The following TGFB1I1 variants were observed in gnomAD, a reference collection of about 807,000 sequenced individuals.
TGFB1I1 encodes transforming growth factor beta-1-induced transcript 1 protein.
A neutral mutation model predicts 52.0 loss-of-function variants in TGFB1I1; 33 were observed. The observed-to-expected ratio is 0.63, with a 90% CI of 0.48 to 0.85. The LOEUF is 0.85. Ranked by LOEUF, TGFB1I1 falls within the 40% of genes least tolerant of loss-of-function variation. The pLI, the probability that TGFB1I1 is intolerant of heterozygous loss-of-function variation, is 0.00. For synonymous variants in TGFB1I1, 236 were observed against 253.3 expected (o/e 0.93, Z 0.65); for missense variants, 577 against 614.9 (o/e 0.94, Z 0.65).
intron 1 of TGFB1I1, 191 bp from the exon 2 acceptor site, chr16:31,473,250 C>T (rs1435314782): frequency 7.8e-6 from 11 of 1,402,338 alleles, no homozygotes; most frequent in South Asian, 6.4e-5. Context: ...TGGCTCCAAG[C>T]GTGAGCAACT....
Position 31,477,116 on chromosome 16 carries a change from T to A in TGFB1I1, c.1119+106T>A. The A allele has an allele frequency of 1.4e-6, 1 of 738,202 alleles. No homozygotes were observed. Among genetic ancestry groups the A allele is most frequent in the Non-Finnish European group, 2.1e-6 (1 of 481,328 alleles). The allele number at this position is 738,202 out of a possible 1,614,324, so 45.7% of individuals were successfully genotyped here. Reference sequence around the variant, plus strand: ...AGGGTGCAGGGCAGGGGGCGGGCCCTCGGGGGGGCGGGTCACGGGAGGTGC... The same window carrying A: ...AGGGTGCAGGGCAGGGGGCGGGCCCACGGGGGGGCGGGTCACGGGAGGTGC... On this transcript the variant is annotated intron_variant, in intron 10 of 10. Coordinates refer to ENST00000394863, the MANE Select transcript of TGFB1I1 (RefSeq NM_001042454.3). This position sits in a 1 kb window ranked among gnomAD's most constrained non-coding sequence, Gnocchi z 4.7.
chr16:31,474,230 G>T lies in TGFB1I1; in HGVS notation c.404G>T (p.Arg135Ile). ...GAGGACCAGTCTGAAGATAAGAAAA[G>T]ACCCAGCCTGTGAGTTTGGCGTCGT... ...QKEDQSEDKK[R>I]PSLPSSPSPG... The change falls in exon 5 of 11, where the codon AGA becomes ATA. Residue 135 changes from arginine (R) to isoleucine (I), a missense_variant. Physicochemically the swap from Arg to Ile is moderately conservative, Grantham distance 97 (BLOSUM62 -3). Coordinates refer to ENST00000394863, the MANE Select transcript of TGFB1I1 (RefSeq NM_001042454.3). This position sits in a 1 kb window ranked among gnomAD's most constrained non-coding sequence, Gnocchi z 4.2. 1 of 1,614,172 alleles carries T rather than the reference G, an allele frequency of 6.2e-7. No homozygotes were observed. Among genetic ancestry groups the T allele is most frequent in the Non-Finnish European group, 8.5e-7 (1 of 1,180,034 alleles).
chr16:31,476,624 C>T lies in TGFB1I1; in HGVS notation c.970+62C>T. On this transcript the variant is annotated intron_variant, in intron 9 of 10. Coordinates refer to ENST00000394863, the MANE Select transcript of TGFB1I1 (RefSeq NM_001042454.3). This position sits in a 1 kb window ranked among gnomAD's most constrained non-coding sequence, Gnocchi z 7.6. ...GGTCCCCTCGACGTCTCGCCCCAGC[C>T]CCTCCGACCTCCGGAGTCCTCAGGG... The T allele has an allele frequency of 6.5e-7, 1 of 1,548,244 alleles. No homozygotes were observed. The highest frequency in any genetic ancestry group is 8.8e-7 in the Non-Finnish European group (1 of 1,134,878).
In TGFB1I1 at chr16:31,477,598, T is replaced by C; in HGVS notation, c.*22T>C. The stretch of plus-strand genomic sequence containing the variant: ...CTGACAGCCCGCTCGGCTCGCCCTC[T>C]CCCCCGGAGGCCGCGCCCTCCCGGA... On this transcript the variant is annotated 3_prime_UTR_variant, in exon 11 of 11. Coordinates refer to ENST00000394863, the MANE Select transcript of TGFB1I1 (RefSeq NM_001042454.3). This position sits in a 1 kb window ranked among gnomAD's most constrained non-coding sequence, Gnocchi z 4.7. The C allele has an allele frequency of 1.9e-6, 3 of 1,572,164 alleles. No homozygotes were observed. The highest frequency in any genetic ancestry group is 2.6e-6 in the Non-Finnish European group (3 of 1,161,376).
In TGFB1I1 at chr16:31,477,689, C is replaced by A. The variant is rs2082436237; in HGVS notation, c.*113C>A. ...CGGGAGGCCCCACCCACTGGAGAGC[C>A]CCGCCCCTAAGGTACTATGAGTCCT... is the stretch of plus-strand genomic sequence containing the variant. On this transcript the variant is annotated 3_prime_UTR_variant, in exon 11 of 11. Coordinates refer to ENST00000394863, the MANE Select transcript of TGFB1I1 (RefSeq NM_001042454.3). This position sits in a 1 kb window ranked among gnomAD's most constrained non-coding sequence, Gnocchi z 4.7. The A allele has an allele frequency of 7.3e-7, 1 of 1,375,968 alleles. No homozygotes were observed. The allele number at this position is 1,375,968 out of a possible 1,614,324, so 85.2% of individuals were successfully genotyped here. A position where few individuals can be genotyped will look rare whatever the true frequency, so the allele number is the denominator to read the frequency against.
intron 7 of TGFB1I1, 106 bp from the exon 8 acceptor site, chr16:31,475,906 T>A: frequency 8.1e-7 from 1 of 1,235,044 alleles, no homozygotes. Context: ...ACTGGATTCT[T>A]TATTCTGATC....
Position 31,474,721 on chromosome 16 carries a change from C to T in TGFB1I1, c.678C>T (p.Gly226=), listed in dbSNP as rs747288537. The change falls in exon 7 of 11, where the codon GGC becomes GGT. Residue 226 remains glycine, a synonymous_variant. Transcript: ENST00000394863. This position sits in a 1 kb window ranked among gnomAD's most constrained non-coding sequence, Gnocchi z 4.2. The part of the protein sequence containing the change: ...SRRGVPTQAK[G]LCGSCNKPIA... ...GGGGTGTTCCCACCCAGGCCAAAGG[C>T]CTCTGTGGCTCCTGCAATAAACCTA... The T allele has an allele frequency of 6.2e-7, 1 of 1,612,002 alleles. No individual in the cohort carries two copies. Among genetic ancestry groups the T allele is most frequent in the Non-Finnish European group, 8.5e-7 (1 of 1,179,336 alleles).
At position 31,477,593 on chromosome 16, in the gene TGFB1I1, C is replaced by G. The variant is rs780729776; in HGVS notation, c.*17C>G. ...TTCGGCTGACAGCCCGCTCGGCTCG[C>G]CCTCTCCCCCGGAGGCCGCGCCCTC... On this transcript the variant is annotated 3_prime_UTR_variant, in exon 11 of 11. Transcript: ENST00000394863. The surrounding 1 kb of genome is among the most constrained non-coding windows in gnomAD (Gnocchi z 4.7). 1 of 1,585,676 alleles carries G rather than the reference C, an allele frequency of 6.3e-7. No individual in the cohort carries two copies. Among genetic ancestry groups the G allele is most frequent in the South Asian group, 1.1e-5 (1 of 88,406 alleles).
chr16:31,477,586 C>G lies in TGFB1I1; in HGVS notation c.*10C>G. ...GAAGCTCTTCGGCTGACAGCCCGCTCGGCTCGCCCTCTCCCCCGGAGGCCG... is the reference window on the plus strand; with the variant it reads ...GAAGCTCTTCGGCTGACAGCCCGCTGGGCTCGCCCTCTCCCCCGGAGGCCG... On this transcript the variant is annotated 3_prime_UTR_variant, in exon 11 of 11. Coordinates refer to ENST00000394863, the MANE Select transcript of TGFB1I1 (RefSeq NM_001042454.3). The surrounding 1 kb of genome is among the most constrained non-coding windows in gnomAD (Gnocchi z 4.7). 6.3e-7 allele frequency: 1 copy of G among 1,590,936 alleles called. No individual in the cohort carries two copies. Among genetic ancestry groups the G allele is most frequent in the Non-Finnish European group, 8.5e-7 (1 of 1,169,940 alleles).
At chr16:31,472,422 T>G in intron 1 of TGFB1I1, 219 of 653,748 alleles carry the variant, frequency 3.3e-4, no homozygotes, top group Middle Eastern at 1.1e-3. Context: ...TGCTCCTCCA[T>G]CCCAGGCTGC....
chr16:31,473,421 C>T lies in TGFB1I1; in HGVS notation c.14-20C>T. ...CTAACCGTGACCCTTGTCTCTCTCC[C>T]TGATGGCCTCTTCCTGCAGATGCCC... is the stretch of plus-strand genomic sequence containing the variant. On this transcript the variant is annotated intron_variant, in intron 1 of 10. Coordinates refer to ENST00000394863, the MANE Select transcript of TGFB1I1 (RefSeq NM_001042454.3). 1 of 1,605,760 alleles carries T rather than the reference C, an allele frequency of 6.2e-7. No homozygotes were observed. Among genetic ancestry groups the T allele is most frequent in the East Asian group, 2.2e-5 (1 of 44,832 alleles).
chr16:31,476,360 C>A lies in TGFB1I1; in HGVS notation c.889-121C>A. ...ACTCTTCCTTTCTGACCCCCACGTT[C>A]CTAGTTAGATCTTCTCCCCCTCCCC... is the stretch of plus-strand genomic sequence containing the variant. On this transcript the variant is annotated intron_variant, in intron 8 of 10. Transcript: ENST00000394863. This position sits in a 1 kb window ranked among gnomAD's most constrained non-coding sequence, Gnocchi z 7.6. The A allele has an allele frequency of 8.3e-7, 1 of 1,207,216 alleles. No individual in the cohort carries two copies. Among genetic ancestry groups the A allele is most frequent in the Non-Finnish European group, 1.1e-6 (1 of 869,924 alleles). The allele number at this position is 1,207,216 out of a possible 1,614,324, so 74.8% of individuals were successfully genotyped here.
At position 31,477,792 on chromosome 16, in the gene TGFB1I1, TCC is replaced by T. The variant is rs1596613990; in HGVS notation, c.*218_*219del. ...AAGTGGATTGCACACAGACAAGAAC[TCC>T]CGTGCGGGCCTCCACTCTATTCCCA... is the stretch of plus-strand genomic sequence containing the variant. On this transcript the variant is annotated 3_prime_UTR_variant, in exon 11 of 11. Transcript: ENST00000394863. This position sits in a 1 kb window ranked among gnomAD's most constrained non-coding sequence, Gnocchi z 4.7. 1 of 620,952 alleles carries T rather than the reference TCC, an allele frequency of 1.6e-6. No individual in the cohort carries two copies. Among genetic ancestry groups the T allele is most frequent in the East Asian group, 2.9e-5 (1 of 33,938 alleles). 38.5% of individuals were successfully genotyped at this position (620,952 alleles called of 1,614,324 possible).
rs2082401056 is a variant in TGFB1I1, at chr16:31,473,180, A to C, written c.14-261A>C. The C allele has an allele frequency of 9.5e-6, 12 of 1,260,328 alleles. No homozygotes were observed. In the South Asian group the frequency reaches 2.5e-4, roughly 27 times the overall value. The allele number at this position is 1,260,328 out of a possible 1,614,324, so 78.1% of individuals were successfully genotyped here. A position where few individuals can be genotyped will look rare whatever the true frequency, so the allele number is the denominator to read the frequency against. ...CAAATTTGGCTTGGGTGAAGAGCCC[A>C]TTTTGACTGCATCAGAGAAGATGGG... On this transcript the variant is annotated intron_variant, in intron 1 of 10. Transcript: ENST00000394863.
chr16:31,477,291 C>A lies in TGFB1I1; in HGVS notation c.1120-19C>A. 1 of 1,590,736 alleles carries A rather than the reference C, an allele frequency of 6.3e-7. No homozygotes were observed. Among genetic ancestry groups the A allele is most frequent in the Non-Finnish European group, 8.6e-7 (1 of 1,166,232 alleles). On this transcript the variant is annotated intron_variant, in intron 10 of 10. Transcript: ENST00000394863. This position sits in a 1 kb window ranked among gnomAD's most constrained non-coding sequence, Gnocchi z 4.7. The stretch of plus-strand genomic sequence containing the variant: ...GGCCGCTGACCTGTCTGTCCTCTTT[C>A]GCGGCTTCCCTTCCCCAGGAATGCT...
chr16:31,476,702 C>G lies in TGFB1I1; in HGVS notation c.970+140C>G. 6.9e-7 allele frequency: 1 copy of G among 1,443,836 alleles called. No homozygotes were observed. Among genetic ancestry groups the G allele is most frequent in the Non-Finnish European group, 9.4e-7 (1 of 1,065,932 alleles). The allele number at this position is 1,443,836 out of a possible 1,614,324, so 89.4% of individuals were successfully genotyped here. On this transcript the variant is annotated intron_variant, in intron 9 of 10. Coordinates refer to ENST00000394863, the MANE Select transcript of TGFB1I1 (RefSeq NM_001042454.3). The surrounding 1 kb of genome is among the most constrained non-coding windows in gnomAD (Gnocchi z 7.6). ...GCCCTGCCCTCTCCTACACAGACTC[C>G]GGACCCGAGCCCTCCCCGCTCTGTC...
Position 31,477,704 on chromosome 16 carries a change from C to A in TGFB1I1, c.*128C>A. The A allele has an allele frequency of 7.9e-7, 1 of 1,271,574 alleles. No individual in the cohort carries two copies. The highest frequency in any genetic ancestry group is 1.1e-6 in the Non-Finnish European group (1 of 950,150). The allele number at this position is 1,271,574 out of a possible 1,614,324, so 78.8% of individuals were successfully genotyped here. On this transcript the variant is annotated 3_prime_UTR_variant, in exon 11 of 11. Coordinates refer to ENST00000394863, the MANE Select transcript of TGFB1I1 (RefSeq NM_001042454.3). The surrounding 1 kb of genome is among the most constrained non-coding windows in gnomAD (Gnocchi z 4.7). ...ACTGGAGAGCCCCGCCCCTAAGGTA[C>A]TATGAGTCCTCAGGGGTCAAGTTCA...
rs1436563894 is a variant in TGFB1I1 at position 31,477,602 on chromosome 16, C to G, written c.*26C>G. 4 of 1,567,092 alleles carry G rather than the reference C, an allele frequency of 2.6e-6. No individual in the cohort carries two copies. Among genetic ancestry groups the G allele is most frequent in the Non-Finnish European group, 3.5e-6 (4 of 1,159,390 alleles). On this transcript the variant is annotated 3_prime_UTR_variant, in exon 11 of 11. Coordinates refer to ENST00000394863, the MANE Select transcript of TGFB1I1 (RefSeq NM_001042454.3). The surrounding 1 kb of genome is among the most constrained non-coding windows in gnomAD (Gnocchi z 4.7). ...CAGCCCGCTCGGCTCGCCCTCTCCC[C>G]CGGAGGCCGCGCCCTCCCGGAAAAG... is the stretch of plus-strand genomic sequence containing the variant.
Position 31,474,279 on chromosome 16 carries a change from T to C in TGFB1I1, c.413+40T>C. ...GTTGTCAGGGCTGAGAGATGAGTCC[T>C]GGATATCTGAGTCACTAGAGGGAGC... On this transcript the variant is annotated intron_variant, in intron 5 of 10. Coordinates refer to ENST00000394863, the MANE Select transcript of TGFB1I1 (RefSeq NM_001042454.3). This position sits in a 1 kb window ranked among gnomAD's most constrained non-coding sequence, Gnocchi z 4.2. The C allele has an allele frequency of 6.2e-7, 1 of 1,613,596 alleles. No homozygotes were observed. The highest frequency in any genetic ancestry group is 8.5e-7 in the Non-Finnish European group (1 of 1,179,536).
Sources: gnomAD v4.1 joint callset for allele counts on GRCh38, gnomAD v4.1.1 for gene constraint, Gnocchi (gnomAD v3.1) non-coding constraint, MANE v1.5 for transcripts, NCBI Gene and HGNC (gene_info 2026-07-23, HGNC 2026-07-21) for gene names.